Variants in DPF3 observed in about 807,000 individuals in gnomAD.
DPF3 encodes double PHD fingers 3.
A neutral mutation model predicts 56.8 loss-of-function variants in DPF3; 18 were observed. The ratio of observed to expected loss-of-function variants is 0.32; its 90% CI spans 0.22 to 0.47. The LOEUF is 0.47. DPF3 is among the 20% of genes least tolerant of loss of function. The pLI is 1.00. For synonymous variants in DPF3, 188 were observed against 180.2 expected, an observed-to-expected ratio of 1.04 and a Z score of -0.35; for missense variants, 403 against 488.8, an observed-to-expected ratio of 0.82 and a Z score of 1.65.
chr14:72,612,700 T>C lies in DPF3; in HGVS notation c.*6597A>G, dbSNP rs995328853. On this transcript the variant is annotated 3_prime_UTR_variant, in exon 11 of 11. Transcript: ENST00000556509. Reference sequence around the variant, plus strand: ...AAACCCCATTCTAGCCATAAAAGCTTTGCATCCCTTTGATAGCAGAATTGA... The same window carrying C: ...AAACCCCATTCTAGCCATAAAAGCTCTGCATCCCTTTGATAGCAGAATTGA... 5.1e-5 allele frequency: 24 copies of C among 469,888 alleles called. No individual in the cohort carries two copies. The highest frequency in any genetic ancestry group is 7.3e-5 in the Non-Finnish European group (17 of 232,896). The allele number at this position is 469,888 out of a possible 1,614,324, so 29.1% of individuals were successfully genotyped here.
chr14:72,666,924 G>T (rs1162349610), intron 8 of DPF3, among the ~76,000 whole-genome samples: 2 of 152,202 alleles, frequency 1.3e-5, no homozygotes, highest in African/African-American at 4.8e-5. Context: ...AGATGTAACA[G>T]GAGGTATACT....
chr14:72,631,927 C>T (rs747049549), intron 8 of DPF3, among the ~76,000 whole-genome samples: 1 of 152,106 alleles, frequency 6.6e-6, no homozygotes, highest in African/African-American at 2.4e-5. Context: ...TCAGATGAGA[C>T]GTTAGCTAGG....
At chr14:72,796,920 T>G (rs1892669534) in intron 1 of DPF3, among the ~76,000 whole-genome samples, 1 of 151,866 alleles carries the variant, frequency 6.6e-6, no homozygotes, top group Non-Finnish European at 1.5e-5. Context: ...CCCAATGGGG[T>G]AAGGCGAGGC....
chr14:72,756,943 GA>G (rs1890857846), intron 2 of DPF3, among the ~76,000 whole-genome samples: 1 of 66,582 alleles, frequency 1.5e-5, no homozygotes, highest in African/African-American at 6.7e-5. Context: ...GAGAAGAGAA[GA>G]GAAAGGGAGA....
intron 8 of DPF3, among the ~76,000 whole-genome samples, chr14:72,665,461 G>A (rs1306287574): frequency 2.0e-5 from 3 of 152,138 alleles, no homozygotes; most frequent in Admixed American, 2.0e-4. Context: ...CAGTAATGGG[G>A]TAAATCAATC....
chr14:72,714,616 A>C, intron 5 of DPF3, 115 bp from the exon 6 acceptor site: 1 of 1,181,090 alleles, frequency 8.5e-7, no homozygotes, highest in Non-Finnish European at 1.2e-6. Context: ...TGCCAACACC[A>C]GTCCCATCTT....
At chr14:72,729,565 T>C (rs1454139862) in intron 4 of DPF3, among the ~76,000 whole-genome samples, 2 of 152,192 alleles carry the variant, frequency 1.3e-5, no homozygotes, top group South Asian at 2.1e-4. Flanking sequence ...TCCTGTGGTG[T>C]ATCTAGACAA....
At chr14:72,879,392 A>G (rs8007139) in intron 1 of DPF3, among the ~76,000 whole-genome samples, 76,600 of 150,754 alleles carry the variant, frequency 0.51, 20,672 homozygotes, top group East Asian at 0.74. Flanking sequence ...AAAAAAAAAA[A>G]AAAGAAAAGA....
chr14:72,698,985 G>T (rs987030506), intron 6 of DPF3, among the ~76,000 whole-genome samples: 1 of 152,204 alleles, frequency 6.6e-6, no homozygotes, highest in Non-Finnish European at 1.5e-5. Context: ...CAACTGGGTA[G>T]AAGGATGAAG....
chr14:72,813,652 C>G (rs1883160437), intron 1 of DPF3, among the ~76,000 whole-genome samples: 1 of 152,242 alleles, frequency 6.6e-6, no homozygotes, highest in Admixed American at 6.5e-5. Context: ...CAAAGGCAGC[C>G]AGGGGGCTGG....
Position 72,619,973 on chromosome 14 carries a change from G to A in DPF3, c.996C>T (p.Leu332=), listed in dbSNP as rs764333124. The A allele has an allele frequency of 6.5e-7, 1 of 1,534,462 alleles. No individual in the cohort carries two copies. The highest frequency in any genetic ancestry group is 8.7e-7 in the Non-Finnish European group (1 of 1,145,898). ...CGTSENDDQL[L]FCDDCDRGYH... The stretch of plus-strand genomic sequence containing the variant: ...AGCCTCGGTCACAGTCATCGCAGAA[G>A]AGTAGCTGGTCCTGGTGGAACACAG... The change falls in exon 10 of 11, where the codon CTC becomes CTT. Residue 332 remains leucine, a synonymous_variant. Coordinates refer to ENST00000556509, the MANE Select transcript of DPF3 (RefSeq NM_001280542.3).
At chr14:72,622,815 A>G (rs1306286628) in intron 9 of DPF3, among the ~76,000 whole-genome samples, 3 of 152,158 alleles carry the variant, frequency 2.0e-5, no homozygotes, top group African/African-American at 7.2e-5. Flanking sequence ...TAAATCCCTG[A>G]CCATGTGAGA....
intron 1 of DPF3, among the ~76,000 whole-genome samples, chr14:72,803,819 G>A (rs937212558): frequency 2.0e-5 from 3 of 152,188 alleles, no homozygotes; most frequent in African/African-American, 4.8e-5. Flanking sequence ...GCTTTGTAAC[G>A]CAAAAGGCTC....
intron 8 of DPF3, among the ~76,000 whole-genome samples, chr14:72,644,006 T>C (rs2153567999): frequency 6.6e-6 from 1 of 152,090 alleles, no homozygotes; most frequent in East Asian, 1.9e-4. Context: ...TTTCCCCAAG[T>C]CATGAATTCA....
At chr14:72,773,085 G>T (rs1156557085) in intron 1 of DPF3, among the ~76,000 whole-genome samples, 1 of 150,582 alleles carries the variant, frequency 6.6e-6, no homozygotes, top group Non-Finnish European at 1.5e-5. Context: ...CTTAACCAAA[G>T]TATTTAGAGG....
rs193153949 is a variant in DPF3 at position 72,668,940 on chromosome 14, T to C, written c.871+5300A>G. ...CAGAAACCTACTGGAACAAACTCTA[T>C]TGGCTGACGTGTGAGCATGCAGAAT... On this transcript the variant is annotated intron_variant, in intron 8 of 10. Transcript: ENST00000556509. 7.2e-5 allele frequency among the ~76,000 whole-genome samples: 11 copies of C among 152,316 alleles called. No individual in the cohort carries two copies. In the East Asian group the frequency reaches 2.1e-3, roughly 29 times the overall value.
At chr14:72,742,100 T>C (rs1017024640) in intron 3 of DPF3, among the ~76,000 whole-genome samples, 9 of 152,172 alleles carry the variant, frequency 5.9e-5, no homozygotes, top group Non-Finnish European at 1.3e-4. Context: ...CAGCACGTAA[T>C]AGCCACAGCC....
At chr14:72,649,266 G>A (rs1037245055) in intron 8 of DPF3, among the ~76,000 whole-genome samples, 1 of 152,156 alleles carries the variant, frequency 6.6e-6, no homozygotes. Context: ...AAGGGGTGAT[G>A]AGTACCCTGC....
At chr14:72,751,992 C>A (rs1159670920) in intron 3 of DPF3, among the ~76,000 whole-genome samples, 1 of 152,060 alleles carries the variant, frequency 6.6e-6, no homozygotes, top group Non-Finnish European at 1.5e-5. Context: ...ACCCACTCAC[C>A]CCTAACAAAT....
Sources: gnomAD v4.1 joint callset for allele counts (sites outside exome capture counted in the v4.1 genomes callset) on GRCh38, gnomAD v4.1.1 for gene constraint, MANE v1.5 for transcripts, NCBI Gene and HGNC (gene_info 2026-07-23, HGNC 2026-07-21) for gene names.